The following KDR variants were observed in gnomAD, a reference collection of about 807,000 sequenced individuals.
The protein encoded by KDR is vascular endothelial growth factor receptor 2.
In KDR, 43 loss-of-function variants were observed where a neutral mutation model predicts 160.9. That is an observed-to-expected ratio of 0.27 (90% CI 0.21 to 0.34). The LOEUF is 0.34. Ranked by LOEUF, KDR falls within the 10% of genes least tolerant of loss-of-function variation. KDR has a pLI of 1.00. For missense variants in KDR, 1,469 were observed against 1,666.4 expected, an observed-to-expected ratio of 0.88 and a Z score of 2.06; for synonymous variants, 617 against 600.1, an observed-to-expected ratio of 1.03 and a Z score of -0.41.
chr4:55,120,851 C>CGTGTGTGTGTGT (rs3034659), intron 2 of KDR, among the ~76,000 whole-genome samples: 1 of 149,948 alleles, frequency 6.7e-6, no homozygotes, highest in South Asian at 2.1e-4. Context: ...TATTTGTGTG[C>CGTGTGTGTGTGT]GTGTGTGTGT....
In KDR at chr4:55,102,446, T is replaced by C; in HGVS notation, c.2050A>G (p.Ile684Val). 1 of 1,613,828 alleles carries C rather than the reference T, an allele frequency of 6.2e-7. No individual in the cohort carries two copies. Among genetic ancestry groups the C allele is most frequent in the Non-Finnish European group, 8.5e-7 (1 of 1,179,774 alleles). The change falls in exon 14 of 30, where the codon ATC becomes GTC. Residue 684 changes from isoleucine to valine, a missense_variant. Physicochemically the swap from Ile to Val is conservative, Grantham distance 29 (BLOSUM62 3). Coordinates refer to ENST00000263923, the MANE Select transcript of KDR (RefSeq NM_002253.4). ...CCAGATGCCGTGCATGAGACTTCGA[T>C]GCTTTCCCCAATACTTGTCGTCTGA... The part of the protein sequence containing the change: ...ENQTTSIGES[I>V]EVSCTASGNP...
intron 3 of KDR, among the ~76,000 whole-genome samples, chr4:55,115,921 A>T (rs934585196): frequency 1.3e-5 from 2 of 152,246 alleles, no homozygotes; most frequent in African/African-American, 2.4e-5. Context: ...TCTTTAGATT[A>T]ACAGGAAACA....
At position 55,102,470 on chromosome 4, in the gene KDR, G is replaced by C. The variant is rs762386797; in HGVS notation, c.2026C>G (p.Gln676Glu). 3 of 1,613,802 alleles carry C rather than the reference G, an allele frequency of 1.9e-6. No homozygotes were observed. The highest frequency in any genetic ancestry group is 3.3e-5 in the Admixed American group (2 of 59,976). ...APTITGNLENQTTSIGESIEV... is the reference protein window; with the variant it reads ...APTITGNLENETTSIGESIEV... ...ATGCTTTCCCCAATACTTGTCGTCT[G>C]ATTCTCCAGGTTTCCTGTGATCGTG... Residue 676 changes from glutamine (Q) to glutamate (E), a missense_variant, in exon 14 of 30, where the codon CAG becomes GAG. Transcript: ENST00000263923.
At chr4:55,110,863 G>T (rs1720564748) in intron 7 of KDR, 95 bp from the exon 8 acceptor site, 3 of 1,000,158 alleles carry the variant, frequency 3.0e-6, no homozygotes, top group Non-Finnish European at 4.6e-6. Flanking sequence ...GACCTTGAGG[G>T]TCTGAGTAGC....
chr4:55,110,428 G>T lies in KDR; in HGVS notation c.1230C>A (p.Ser410Arg), dbSNP rs561800569. Residue 410 changes from serine (S) to arginine (R), a missense_variant, in exon 9 of 30, where the codon AGC (serine) becomes AGA (arginine). By Grantham distance (110) the Ser-to-Arg change is moderately radical. Transcript: ENST00000263923. ...LTNPISKEKQ[S>R]HVVSLVVYVP... ...CATACACAACCAGAGAGACCACATG[G>T]CTCTGCTTCTCCTTTGAAATGGGAT... 21 of 1,614,022 alleles carry T rather than the reference G, an allele frequency of 1.3e-5. No homozygotes were observed. The highest frequency in any genetic ancestry group is 6.6e-5 in the South Asian group (6 of 91,076).
rs1451741463 is a variant in KDR at position 55,095,640 on chromosome 4, G to A, written c.2754C>T (p.Phe918=). The A allele has an allele frequency of 1.2e-6, 2 of 1,613,584 alleles. No homozygotes were observed. The highest frequency in any genetic ancestry group is 1.7e-6 in the Non-Finnish European group (2 of 1,179,730). ...AAGTGGACAGGTTTCCAAATTTGCA[G>A]AATTCCACAATCACCATGAGTGGCC... is the stretch of plus-strand genomic sequence containing the variant. ...PGGPLMVIVE[F]CKFGNLSTYL... Residue 918 remains phenylalanine, a synonymous_variant, in exon 20 of 30, where the codon TTC becomes TTT. Coordinates refer to ENST00000263923, the MANE Select transcript of KDR (RefSeq NM_002253.4).
chr4:55,108,017 A>C, intron 9 of KDR, 124 bp from the exon 10 acceptor site: 1 of 998,354 alleles, frequency 1.0e-6, no homozygotes, highest in Non-Finnish European at 1.6e-6. Flanking sequence ...TCTTTTTCGA[A>C]GAACACCTAG....
intron 29 of KDR, among the ~76,000 whole-genome samples, chr4:55,080,528 T>C (rs1719707225): frequency 6.6e-6 from 1 of 152,238 alleles, no homozygotes; most frequent in Non-Finnish European, 1.5e-5. Context: ...TGCATGATAT[T>C]CAAGGAAATT....
chr4:55,079,835 G>A lies in KDR; in HGVS notation c.*106C>T, dbSNP rs1043084985. The A allele has an allele frequency of 9.5e-7, 1 of 1,050,734 alleles. No individual in the cohort carries two copies. Among genetic ancestry groups the A allele is most frequent in the South Asian group, 1.3e-5 (1 of 78,986 alleles). 65.1% of individuals were successfully genotyped at this position (1,050,734 alleles called of 1,614,324 possible). On this transcript the variant is annotated 3_prime_UTR_variant, in exon 30 of 30. Transcript: ENST00000263923. ...GAGGTCCTTTTTCTGTTGTCGAAAT[G>A]AAAATCAAATGCGGCTACTTCCTGC...
Position 55,098,141 on chromosome 4 carries a change from C to T in KDR, c.2505G>A (p.Lys835=), listed in dbSNP as rs1139775. The T allele has an allele frequency of 1.4e-5, 23 of 1,613,896 alleles. No individual in the cohort carries two copies. The highest frequency in any genetic ancestry group is 1.7e-4 in the Middle Eastern group (1 of 6,058). The part of the protein sequence containing the change: ...SKWEFPRDRL[K]LGKPLGRGAF... ...TAATAGCAATTGAAAATGCACCTAG[C>T]TTCAGCCGGTCTCTGGGGAATTCCC... The change falls in exon 17 of 30, where the codon AAG becomes AAA. Residue 835 remains lysine (K), a synonymous_variant. Transcript: ENST00000263923.
intron 27 of KDR, among the ~76,000 whole-genome samples, chr4:55,085,016 T>G (rs1470372623): frequency 6.6e-6 from 1 of 152,144 alleles, no homozygotes; most frequent in Non-Finnish European, 1.5e-5. Flanking sequence ...CCCTAACAAT[T>G]ACAAAATGAA....
intron 22 of KDR, among the ~76,000 whole-genome samples, chr4:55,091,409 T>G: frequency 6.6e-6 from 1 of 152,290 alleles, no homozygotes; most frequent in African/African-American, 2.4e-5. Context: ...GTAAGGAAAG[T>G]TAAAGCATTC....
chr4:55,115,173 C>T, intron 4 of KDR, 108 bp downstream of exon 4: 2 of 1,257,144 alleles, frequency 1.6e-6, no homozygotes, highest in African/African-American at 1.5e-5. Flanking sequence ...TTGACCCTTC[C>T]TAAAGGATCC....
At chr4:55,095,738 G>T in intron 19 of KDR, 73 bp from the exon 20 acceptor site, 1 of 1,103,256 alleles carries the variant, frequency 9.1e-7, no homozygotes. Flanking sequence ...ATATAGTGAT[G>T]AACCCAAAAA....
chr4:55,094,730 CT>C, intron 21 of KDR, 71 bp downstream of exon 21: 1 of 1,424,596 alleles, frequency 7.0e-7, no homozygotes, highest in Middle Eastern at 1.8e-4. Context: ...GATCAAATTC[CT>C]TGTAACACCC....
At position 55,101,771 on chromosome 4, in the gene KDR, A is replaced by T. The variant is rs41279535; in HGVS notation, c.2266+126T>A. On this transcript the variant is annotated intron_variant, in intron 15 of 29. Coordinates refer to ENST00000263923, the MANE Select transcript of KDR (RefSeq NM_002253.4). ...GCGTTTGGTTTTCTGTTCCTGTGTT[A>T]GTTTGCTGAGGATAATGGCTTCCAG... 6.9e-3 allele frequency: 5,472 copies of T among 791,762 alleles called. 46 individuals are homozygous for T. Among genetic ancestry groups the T allele is most frequent in the Non-Finnish European group, 7.4e-3 (3,484 of 470,140 alleles). The allele number at this position is 791,762 out of a possible 1,614,324, so 49.0% of individuals were successfully genotyped here.
chr4:55,122,751 A>G (rs755510363), intron 1 of KDR: 2 of 152,226 alleles, frequency 1.3e-5, no homozygotes, highest in Non-Finnish European at 2.9e-5. Context: ...ACTTATGTTT[A>G]GAACAGTTTT....
At chr4:55,112,523 ATTTTTT>A (rs72203928) in intron 7 of KDR, among the ~76,000 whole-genome samples, 1,264 of 117,128 alleles carry the variant, frequency 0.011, 16 homozygotes, top group African/African-American at 0.039. Flanking sequence ...TTATACCTTG[ATTTTTT>A]TTTTTTTTTT....
chr4:55,115,592 ATGTG>A (rs58765151), intron 3 of KDR, among the ~76,000 whole-genome samples, 181 bp from the exon 4 acceptor site: 2 of 150,988 alleles, frequency 1.3e-5, no homozygotes, highest in Admixed American at 1.3e-4. Flanking sequence ...GTGTGTGTGT[ATGTG>A]TGTGTGTGTG....
Sources: gnomAD v4.1 joint callset for allele counts (sites outside exome capture counted in the v4.1 genomes callset) on GRCh38, gnomAD v4.1.1 for gene constraint, MANE v1.5 for transcripts, NCBI Gene and HGNC (gene_info 2026-07-23, HGNC 2026-07-21) for gene names.